TRPM5: variants seen among roughly 807,000 people sequenced by gnomAD.
The protein encoded by TRPM5 is MLSN1 and TRP-related.
Under a neutral mutation model 124.9 loss-of-function variants are expected in TRPM5, and 121 were observed. The observed-to-expected ratio is 0.97, with a 90% CI of 0.84 to 1.13. TRPM5 has a LOEUF of 1.13. TRPM5 is among the 50% of genes most tolerant of loss of function. TRPM5 has a pLI of 0.00. For missense variants in TRPM5, 1,643 were observed against 1,589.1 expected (o/e 1.03, Z -0.58); for synonymous variants, 781 against 700.5 (o/e 1.11, Z -1.81).
chr11:2,407,092 G>GGTGCTCCCGCTT (rs1850338276), intron 20 of TRPM5, 27 bp downstream of exon 25: 2 of 1,044,404 alleles, frequency 1.9e-6, no homozygotes, highest in African/African-American at 1.5e-5. Flanking sequence ...GCCTCACCCA[G>GGTGCTCCCGCTT]GTGCTCCCGC....
At chr11:2,411,908 A>G (rs1010587326) in intron 16 of TRPM5, 141 bp from the exon 22 acceptor site, 28 of 1,109,562 alleles carry the variant, frequency 2.5e-5, no homozygotes, top group African/African-American at 4.7e-5. Flanking sequence ...TCTTTTGTTT[A>G]TTTATTTTTA....
At chr11:2,414,010 C>CA in intron 12 of TRPM5, 51 bp downstream of exon 17, 7 of 420,366 alleles carry the variant, frequency 1.7e-5, no homozygotes, top group Admixed American at 3.1e-5. Context: ...GCCCAGCTCG[C>CA]CCGCCCACCC....
At chr11:2,409,382 T>C (rs528432068) in intron 18 of TRPM5, among the ~76,000 whole-genome samples, 1 of 152,186 alleles carries the variant, frequency 6.6e-6, no homozygotes, top group African/African-American at 2.4e-5. Flanking sequence ...CTCTGAGGAA[T>C]GAGACCCCCA....
chr11:2,408,333 T>C (rs1185174760), intron 18 of TRPM5, among the ~76,000 whole-genome samples: 4 of 152,190 alleles, frequency 2.6e-5, no homozygotes, highest in Admixed American at 2.0e-4. Context: ...GTTGAAGGTT[T>C]GGGGAGAGCT....
intron 12 of TRPM5, 52 bp downstream of exon 17, chr11:2,414,009 G>GGGCGCCCCCCCCCCCCCCCCC: frequency 5.9e-6 from 6 of 1,023,728 alleles, no homozygotes; most frequent in East Asian, 2.8e-5. Context: ...GGCCCAGCTC[G>GGGCGCCCCCCCCCCCCCCCCC]CCCGCCCACC....
chr11:2,414,582 A>T, intron 11 of TRPM5, 133 bp downstream of exon 16: 1 of 1,280,822 alleles, frequency 7.8e-7, no homozygotes, highest in Non-Finnish European at 1.0e-6. Context: ...TCTCCTATGG[A>T]GGAGGCCCCT....
At chr11:2,407,966 C>T in intron 18 of TRPM5, 54 bp from the exon 24 acceptor site, 1 of 1,594,010 alleles carries the variant, frequency 6.3e-7, no homozygotes, top group Non-Finnish European at 8.5e-7. Flanking sequence ...CAAGGGCGGC[C>T]TTAGGCAAAT....
rs866464875 is a variant in TRPM5, at chr11:2,415,350, T to C, written c.1250A>G (p.Glu417Gly). 5 of 1,585,806 alleles carry C rather than the reference T, an allele frequency of 3.2e-6. No individual in the cohort carries two copies. The Admixed American group carries it at 5.2e-5, about 16-fold the overall frequency. Reference sequence around the variant, plus strand: ...CTTGCGTGACACGGAGCGGTAGAGCTCCTGCAGCCGCCCATACGTCAGGAA... The same window carrying C: ...CTTGCGTGACACGGAGCGGTAGAGCCCCTGCAGCCGCCCATACGTCAGGAA... The change falls in exon 9 of 24, where the codon GAG (glutamate) becomes GGG (glycine). Residue 417 changes from glutamate (E) to glycine (G), a missense_variant. By Grantham distance (98) the Glu-to-Gly change is moderately conservative (BLOSUM62 -2). Coordinates refer to ENST00000155858, the Ensembl canonical transcript of TRPM5.
the TRPM5 span, among the ~76,000 whole-genome samples, chr11:2,439,028 C>T: frequency 6.6e-6 from 1 of 152,066 alleles, no homozygotes; most frequent in African/African-American, 2.4e-5. Context: ...AAGCCACACA[C>T]CTACAGTAAT....
intron 15 of TRPM5, 94 bp from the exon 21 acceptor site, chr11:2,412,347 G>T: frequency 2.0e-6 from 2 of 987,492 alleles, no homozygotes; most frequent in Non-Finnish European, 3.2e-6. Context: ...AAGGATCAGG[G>T]TTCCATCTAT....
rs1850458271 is a variant in TRPM5 at position 2,411,825 on chromosome 11, A to C, written c.2475-58T>G. 4 of 1,596,114 alleles carry C rather than the reference A, an allele frequency of 2.5e-6. No individual in the cohort carries two copies. In the East Asian group the frequency reaches 9.0e-5, roughly 36 times the overall value. ...CCCAGAGAGGGGCAGAGGCTTCCCCAGGGGCACACAGCATGCTGGCTGCGG... is the reference window on the plus strand; with the variant it reads ...CCCAGAGAGGGGCAGAGGCTTCCCCCGGGGCACACAGCATGCTGGCTGCGG... On this transcript the variant is annotated intron_variant, in intron 16 of 23. Coordinates refer to ENST00000155858, the Ensembl canonical transcript of TRPM5.
intron 6 of TRPM5, 82 bp downstream of exon 11, chr11:2,418,085 C>G (rs1372042305): frequency 2.3e-6 from 3 of 1,308,966 alleles, no homozygotes; most frequent in African/African-American, 2.9e-5. Flanking sequence ...GGGCTGGAGG[C>G]TGCATTGCAG....
chr11:2,414,579 T>C (rs4930102), intron 11 of TRPM5, 136 bp downstream of exon 16: 617,574 of 1,256,492 alleles, frequency 0.49, 154,077 homozygotes, highest in East Asian at 0.71. Flanking sequence ...TCCTCTCCTA[T>C]GGAGGAGGCC....
chr11:2,430,773 ATGG>A, the TRPM5 span, among the ~76,000 whole-genome samples: 9 of 38,896 alleles, frequency 2.3e-4, no homozygotes, highest in Middle Eastern at 0.019. Context: ...GGTGGTGGTG[ATGG>A]TGGTGTTGAT....
chr11:2,418,693 C>T (rs1386509291), intron 4 of TRPM5, 102 bp from the exon 10 acceptor site: 6 of 1,221,508 alleles, frequency 4.9e-6, no homozygotes, highest in Non-Finnish European at 6.9e-6. Context: ...AAAGCTGGCT[C>T]TTCCGAATAA....
At chr11:2,407,854 G>C in exon 19 of TRPM5, 1 of 1,614,028 alleles carries the variant, frequency 6.2e-7, no homozygotes, top group Non-Finnish European at 8.5e-7. Flanking sequence ...CATAGAGGCT[G>C]GGGCAGGATG....
chr11:2,409,893 C>T (rs1476796260), intron 18 of TRPM5, among the ~76,000 whole-genome samples: 2 of 152,218 alleles, frequency 1.3e-5, no homozygotes, highest in Non-Finnish European at 2.9e-5. Context: ...AGTCTGTTTC[C>T]CTGCCTTCTC....
At chr11:2,430,231 C>T in the TRPM5 span, among the ~76,000 whole-genome samples, 1 of 151,310 alleles carries the variant, frequency 6.6e-6, no homozygotes, top group Non-Finnish European at 1.5e-5. Context: ...CTGCTGGCTC[C>T]CTCTTGCCAC....
At chr11:2,406,056 C>T in exon 22 of TRPM5, 3 of 1,612,558 alleles carry the variant, frequency 1.9e-6, no homozygotes, top group Non-Finnish European at 2.5e-6. Flanking sequence ...TTCTTGCTCT[C>T]TCAGACCCCC....
Sources: allele counts gnomAD v4.1 joint callset (sites outside exome capture counted in the v4.1 genomes callset), GRCh38; gene constraint gnomAD v4.1.1; transcripts MANE v1.5; gene names NCBI Gene and HGNC (gene_info 2026-07-23, HGNC 2026-07-21).